Variants in BPTF observed in about 807,000 individuals in gnomAD.
The protein encoded by BPTF is bromodomain PHD finger transcription factor.
A neutral mutation model predicts 292.5 loss-of-function variants in BPTF; 18 were observed. The observed-to-expected ratio is 0.06, with a 90% confidence interval of 0.04 to 0.09. The LOEUF (loss-of-function observed/expected upper bound fraction) is 0.09. BPTF is among the 10% of genes least tolerant of loss of function. BPTF has a pLI of 1.00. For missense variants in BPTF, 2,726 were observed against 3,498.7 expected (o/e 0.78, Z 5.57); for synonymous variants, 1,225 against 1,251.9 (o/e 0.98, Z 0.45).
intron 12 of BPTF, 93 bp downstream of exon 12, chr17:67,918,931 G>C: frequency 1.5e-6 from 2 of 1,348,228 alleles, no homozygotes; most frequent in Non-Finnish European, 2.0e-6. Flanking sequence ...CCAGCACTTT[G>C]GGAGGCTGAG....
chr17:67,939,151 A>G (rs2065163556), intron 18 of BPTF, among the ~76,000 whole-genome samples: 1 of 152,236 alleles, frequency 6.6e-6, no homozygotes, highest in African/African-American at 2.4e-5. Context: ...AGAAATAATC[A>G]GAAGCACCCA....
rs752976722 is a variant in BPTF, at chr17:67,911,445, T to C, written c.3561T>C (p.Asn1187=). 4.3e-6 allele frequency: 7 copies of C among 1,613,888 alleles called. No individual in the cohort carries two copies. The highest frequency in any genetic ancestry group is 1.3e-5 in the African/African-American group (1 of 74,866). Reference sequence around the variant, plus strand: ...GTCCGAAACAAAATTCCATTGAAAATGACATAGAAGAAAAAGTCTCTGACC... The same window carrying C: ...GTCCGAAACAAAATTCCATTGAAAACGACATAGAAGAAAAAGTCTCTGACC... ...TKCPKQNSIE[N]DIEEKVSDLA... Residue 1187 remains asparagine, a synonymous_variant, in exon 11 of 28, where the codon AAT becomes AAC. Coordinates refer to ENST00000306378, the MANE Select transcript of BPTF (RefSeq NM_182641.4).
At chr17:67,883,000 C>G (rs2060515979) in intron 4 of BPTF, among the ~76,000 whole-genome samples, 1 of 96,118 alleles carries the variant, frequency 1.0e-5, no homozygotes, top group Non-Finnish European at 2.0e-5. Context: ...CAGACGTTGT[C>G]TAAAAAAAAA....
chr17:67,843,119 T>A (rs1400346046), intron 1 of BPTF, among the ~76,000 whole-genome samples: 1 of 150,702 alleles, frequency 6.6e-6, no homozygotes, highest in Admixed American at 6.6e-5. Flanking sequence ...TAGATGTATG[T>A]AGATATATAC....
At chr17:67,937,258 C>G (rs966129180) in intron 18 of BPTF, among the ~76,000 whole-genome samples, 1 of 151,752 alleles carries the variant, frequency 6.6e-6, no homozygotes, top group Non-Finnish European at 1.5e-5. Context: ...GAGTTCAAGA[C>G]CAGCCTGGCC....
Position 67,871,522 on chromosome 17 carries a change from A to T in BPTF, c.1661-3295A>T, listed in dbSNP as rs150205013. 1.6e-3 allele frequency among the ~76,000 whole-genome samples: 245 copies of T among 152,062 alleles called. 1 individual carries two copies. The highest frequency in any genetic ancestry group is 5.5e-3 in the African/African-American group (230 of 41,528). On this transcript the variant is annotated intron_variant, in intron 3 of 27. Coordinates refer to ENST00000306378, the MANE Select transcript of BPTF (RefSeq NM_182641.4). The stretch of plus-strand genomic sequence containing the variant: ...ATCTGTACTTTATATTTGTAACTAA[A>T]TATACAGCTTACTATATTTGCTTTA...
At chr17:67,908,368 T>C (rs555875033) in intron 9 of BPTF, among the ~76,000 whole-genome samples, 97 of 151,998 alleles carry the variant, frequency 6.4e-4, no homozygotes, top group Non-Finnish European at 1.0e-3. Context: ...CTTGTTGGGC[T>C]GGTGTTGAAC....
rs202052488 is a variant in BPTF, at chr17:67,912,087, A to T, written c.4203A>T (p.Arg1401Ser). The T allele has an allele frequency of 1.2e-6, 2 of 1,608,862 alleles. No homozygotes were observed. The highest frequency in any genetic ancestry group is 1.7e-6 in the Non-Finnish European group (2 of 1,178,454). Reference protein sequence around the residue: ...ENRESEKKGQRTSTFQINGKD... With the variant: ...ENRESEKKGQSTSTFQINGKD... ...GAGAGTCTGAAAAGAAAGGACAGAGAACAAGTACATTTCAAATAAATGGAA... is the reference window on the plus strand; with the variant it reads ...GAGAGTCTGAAAAGAAAGGACAGAGTACAAGTACATTTCAAATAAATGGAA... The change falls in exon 11 of 28, where the codon AGA becomes AGT. Residue 1401 changes from arginine to serine, a missense_variant. This residue lies in a region of BPTF where 713 missense variants were observed against 714.9 expected (regional missense o/e 1.00). Coordinates refer to ENST00000306378, the MANE Select transcript of BPTF (RefSeq NM_182641.4).
At chr17:67,896,274 G>T (rs1044183148) in intron 7 of BPTF, among the ~76,000 whole-genome samples, 3 of 152,204 alleles carry the variant, frequency 2.0e-5, no homozygotes, top group Non-Finnish European at 4.4e-5. Flanking sequence ...TATTGGGCAT[G>T]TTTAAATTGT....
intron 27 of BPTF, among the ~76,000 whole-genome samples, chr17:67,979,416 A>G (rs1331886485): frequency 9.2e-5 from 14 of 151,736 alleles, no homozygotes; most frequent in Non-Finnish European, 5.9e-5. Flanking sequence ...GTGTGGTTGC[A>G]CATGCCTGTA....
intron 4 of BPTF, chr17:67,891,472 T>A (rs9892665): frequency 0.098 from 15,425 of 157,934 alleles, 2,647 homozygotes; most frequent in African/African-American, 0.35. Flanking sequence ...TAAACCTTTT[T>A]ATACAGAAAT....
chr17:67,866,771 A>T, intron 3 of BPTF, 84 bp downstream of exon 3: 1 of 1,114,090 alleles, frequency 9.0e-7, no homozygotes. Flanking sequence ...TTGAAAATAG[A>T]TTAAAATTTT....
At chr17:67,978,646 A>G (rs1390396999) in intron 27 of BPTF, among the ~76,000 whole-genome samples, 1 of 152,154 alleles carries the variant, frequency 6.6e-6, no homozygotes, top group African/African-American at 2.4e-5. Flanking sequence ...CAGGAAAGCA[A>G]TGAGAATTAC....
chr17:67,922,613 C>G (rs1445716604), intron 13 of BPTF, among the ~76,000 whole-genome samples: 1 of 152,112 alleles, frequency 6.6e-6, no homozygotes, highest in Admixed American at 6.6e-5. Context: ...GAGCCTTGGC[C>G]TACCCTGCTT....
intron 4 of BPTF, among the ~76,000 whole-genome samples, chr17:67,878,443 TC>T (rs1244465221): frequency 6.6e-6 from 1 of 152,194 alleles, no homozygotes; most frequent in African/African-American, 2.4e-5. Flanking sequence ...TGGTTTATGC[TC>T]ATCTTTGGTA....
Position 67,946,091 on chromosome 17 carries a change from T to C in BPTF, c.7383T>C (p.Ser2461=), listed in dbSNP as rs782590414. The change falls in exon 21 of 28, where the codon AGT becomes AGC. Residue 2461 remains serine (S), a synonymous_variant. Coordinates refer to ENST00000306378, the MANE Select transcript of BPTF (RefSeq NM_182641.4). ...TGGCTCAGATACAGGCTCAGCAAAGTGGTGTGCCCCAGCAAATCAAACTCC... is the reference window on the plus strand; with the variant it reads ...TGGCTCAGATACAGGCTCAGCAAAGCGGTGTGCCCCAGCAAATCAAACTCC... ...QVVAQIQAQQ[S]GVPQQIKLQL... 1 of 1,614,118 alleles carries C rather than the reference T, an allele frequency of 6.2e-7. No homozygotes were observed. Among genetic ancestry groups the C allele is most frequent in the Non-Finnish European group, 8.5e-7 (1 of 1,180,024 alleles).
chr17:67,933,474 T>G (rs1164978135), intron 18 of BPTF, among the ~76,000 whole-genome samples: 1 of 151,158 alleles, frequency 6.6e-6, no homozygotes, highest in Non-Finnish European at 1.5e-5. Context: ...TAGGCTGAGA[T>G]GGGAGGATTG....
chr17:67,912,421 A>G lies in BPTF; in HGVS notation c.4537A>G (p.Thr1513Ala). The G allele has an allele frequency of 1.9e-6, 3 of 1,614,088 alleles. No homozygotes were observed. In the South Asian group the frequency reaches 3.3e-5, roughly 18 times the overall value. ...TLPSTKESDS[T>A]QTTTPSASCP... ...GCCATCAACCAAAGAGTCTGACAGT[A>G]CACAGACGACCACACCCTCAGCATC... Residue 1513 changes from threonine (T) to alanine (A), a missense_variant, in exon 11 of 28, where the codon ACA (threonine) becomes GCA (alanine). Physicochemically the swap from Thr to Ala is moderately conservative, Grantham distance 58. Around this residue, in one of 22 missense-constraint regions of BPTF, gnomAD observed 713 missense variants for 714.9 expected, o/e 1.00. Coordinates refer to ENST00000306378, the MANE Select transcript of BPTF (RefSeq NM_182641.4).
At chr17:67,925,501 TA>T (rs2063794153) in intron 15 of BPTF, among the ~76,000 whole-genome samples, 1 of 151,930 alleles carries the variant, frequency 6.6e-6, no homozygotes, top group East Asian at 1.9e-4. Flanking sequence ...CTGTCTCTAA[TA>T]AAAGAAAAAA....
Sources: allele counts gnomAD v4.1 joint callset (sites outside exome capture counted in the v4.1 genomes callset), GRCh38; gene constraint gnomAD v4.1.1; regional missense constraint gnomAD v4.1.1; transcripts MANE v1.5; gene names NCBI Gene and HGNC (gene_info 2026-07-23, HGNC 2026-07-21).